The following COTL1 variants were observed in gnomAD, a reference collection of about 807,000 sequenced individuals.
COTL1 encodes the protein coactosin-like protein.
COTL1 carries 15 observed loss-of-function variants against 16.5 expected under a neutral mutation model. That is an observed-to-expected ratio of 0.91 (90% confidence interval 0.61 to 1.40). COTL1 has a LOEUF of 1.40. COTL1 is among the 40% of genes most tolerant of loss of function. The probability of loss-of-function intolerance (pLI) is 0.00; values close to 1 mark genes in which losing one functional copy is unlikely to be tolerated. For missense variants in COTL1, 220 were observed against 201.5 expected (o/e 1.09, Z -0.56); for synonymous variants, 112 against 85.3 (o/e 1.31, Z -1.73).
intron 2 of COTL1, among the ~76,000 whole-genome samples, chr16:84,607,555 G>T (rs372967235): frequency 4.8e-4 from 73 of 152,272 alleles, no homozygotes; most frequent in African/African-American, 1.6e-3. Flanking sequence ...AACACACGCA[G>T]AGCTCCTACG....
intron 3 of COTL1, among the ~76,000 whole-genome samples, chr16:84,572,240 A>G (rs1904350455): frequency 6.6e-6 from 1 of 152,214 alleles, no homozygotes; most frequent in African/African-American, 2.4e-5. Flanking sequence ...TGCGTGGAGC[A>G]GCTGAAGTCT....
At chr16:84,604,256 C>T (rs1905164101) in intron 2 of COTL1, among the ~76,000 whole-genome samples, 1 of 90,766 alleles carries the variant, frequency 1.1e-5, no homozygotes, top group African/African-American at 4.7e-5. Context: ...CTGCTCCCCA[C>T]CCCACACTCA....
chr16:84,591,834 A>C (rs57798495), intron 2 of COTL1, among the ~76,000 whole-genome samples: 30,826 of 144,498 alleles, frequency 0.21, 3,701 homozygotes, highest in African/African-American at 0.34. Context: ...AAATAAAATA[A>C]AATAAAATAA....
chr16:84,605,412 C>T (rs1350289901), intron 2 of COTL1, among the ~76,000 whole-genome samples: 1 of 152,200 alleles, frequency 6.6e-6, no homozygotes, highest in African/African-American at 2.4e-5. Context: ...AAACAACGGC[C>T]CCTAAGACAT....
intron 2 of COTL1, among the ~76,000 whole-genome samples, chr16:84,598,825 G>T (rs13330549): frequency 0.2 from 27,127 of 136,050 alleles, 3,795 homozygotes; most frequent in African/African-American, 0.41. Context: ...CGGCAGGGGT[G>T]GGGGGGAGCA....
chr16:84,581,179 G>C (rs1904583195), intron 3 of COTL1, among the ~76,000 whole-genome samples: 1 of 152,124 alleles, frequency 6.6e-6, no homozygotes, highest in Non-Finnish European at 1.5e-5. Flanking sequence ...ATGTATGTAT[G>C]TATGTATGTA....
chr16:84,616,748 C>G (rs1014240402), intron 2 of COTL1, among the ~76,000 whole-genome samples: 1 of 152,146 alleles, frequency 6.6e-6, no homozygotes, highest in African/African-American at 2.4e-5. Flanking sequence ...TCATGGTTCA[C>G]AAGCCACAGG....
At position 84,566,782 on chromosome 16, in the gene COTL1, G is replaced by T; in HGVS notation, c.*63C>A. ...TGGTGGGCTAGTAGCTGAGGCCGGC[G>T]GTCCTCTCCCCCGGGGAGCAGGCAG... On this transcript the variant is annotated 3_prime_UTR_variant, in exon 4 of 4. Transcript: ENST00000262428. 1 of 1,147,804 alleles carries T rather than the reference G, an allele frequency of 8.7e-7. No individual in the cohort carries two copies. Among genetic ancestry groups the T allele is most frequent in the Admixed American group, 1.8e-5 (1 of 56,526 alleles). 71.1% of individuals were successfully genotyped at this position (1,147,804 alleles called of 1,614,324 possible).
chr16:84,602,193 T>C (rs959840623), intron 2 of COTL1, among the ~76,000 whole-genome samples: 8 of 126,220 alleles, frequency 6.3e-5, no homozygotes, highest in Non-Finnish European at 1.2e-4. Flanking sequence ...CAGCTGCGTT[T>C]CAGTTCAATG....
intron 2 of COTL1, among the ~76,000 whole-genome samples, chr16:84,609,132 T>C (rs1254114768): frequency 1.3e-5 from 2 of 152,154 alleles, no homozygotes; most frequent in Non-Finnish European, 2.9e-5. Context: ...CCCGGGTGTG[T>C]ATGTTCAGCT....
chr16:84,600,633 G>C (rs1031836940), intron 2 of COTL1, among the ~76,000 whole-genome samples: 1 of 152,210 alleles, frequency 6.6e-6, no homozygotes, highest in African/African-American at 2.4e-5. Context: ...TTCTTTATGT[G>C]ATCCGCATTG....
chr16:84,574,511 G>A (rs554590782), intron 3 of COTL1, among the ~76,000 whole-genome samples: 1 of 152,330 alleles, frequency 6.6e-6, no homozygotes, highest in South Asian at 2.1e-4. Flanking sequence ...CTCATCCGAC[G>A]AAGTCTCACT....
At chr16:84,571,092 T>C (rs1184962075) in intron 3 of COTL1, among the ~76,000 whole-genome samples, 4 of 152,208 alleles carry the variant, frequency 2.6e-5, no homozygotes, top group African/African-American at 4.8e-5. Context: ...GGAAGAATCC[T>C]GACATACTGC....
chr16:84,573,672 G>T (rs1029746523), intron 3 of COTL1, among the ~76,000 whole-genome samples: 1 of 151,444 alleles, frequency 6.6e-6, no homozygotes, highest in Admixed American at 6.6e-5. Flanking sequence ...CCGGGGAGGC[G>T]GAAGTTGCAG....
chr16:84,603,373 GCT>G (rs1195016364), intron 2 of COTL1, among the ~76,000 whole-genome samples: 3 of 148,054 alleles, frequency 2.0e-5, no homozygotes, highest in Non-Finnish European at 4.5e-5. Flanking sequence ...TCTGCGCCAG[GCT>G]CTGAGTGAAC....
chr16:84,605,368 T>C (rs1482607085), intron 2 of COTL1, among the ~76,000 whole-genome samples: 1 of 152,232 alleles, frequency 6.6e-6, no homozygotes, highest in African/African-American at 2.4e-5. Flanking sequence ...TCACTGGGCA[T>C]ATTAAATGAA....
intron 2 of COTL1, among the ~76,000 whole-genome samples, chr16:84,603,300 T>C (rs1905138355): frequency 6.6e-6 from 1 of 152,098 alleles, no homozygotes; most frequent in African/African-American, 2.4e-5. Flanking sequence ...CCATGCAACA[T>C]CCGAGGCAGA....
chr16:84,607,865 G>A (rs145360389), intron 2 of COTL1, among the ~76,000 whole-genome samples: 1 of 152,144 alleles, frequency 6.6e-6, no homozygotes, highest in South Asian at 2.1e-4. Flanking sequence ...GAGAAGACAA[G>A]GTCATGATCA....
chr16:84,605,958 C>A lies in COTL1; in HGVS notation c.160+11543G>T, dbSNP rs77355408. The stretch of plus-strand genomic sequence containing the variant: ...GTTATCAACTTATTTATTTATTGCT[C>A]GCAAGGAAGCTTACCTAAGTACCTA... On this transcript the variant is annotated intron_variant, in intron 2 of 3. Transcript: ENST00000262428. Among the ~76,000 whole-genome samples, 734 of 152,230 alleles carry A rather than the reference C, an allele frequency of 4.8e-3. 4 individuals carry two copies. Among genetic ancestry groups the A allele is most frequent in the African/African-American group, 0.017 (689 of 41,532 alleles).
Sources: gnomAD v4.1 joint callset for allele counts (sites outside exome capture counted in the v4.1 genomes callset) on GRCh38, gnomAD v4.1.1 for gene constraint, MANE v1.5 for transcripts, NCBI Gene and HGNC (gene_info 2026-07-23, HGNC 2026-07-21) for gene names.